The following FBXL13 variants were observed in gnomAD, a reference collection of about 807,000 sequenced individuals.
FBXL13 encodes the protein F-box and leucine rich repeat protein 13, also known as F-box and leucine-rich repeat protein 13.
Under a neutral mutation model 83.6 loss-of-function variants are expected in FBXL13, and 67 were observed. That is an observed-to-expected ratio of 0.80 (90% CI 0.66 to 0.98). The LOEUF is 0.98. Among genes scored for constraint, FBXL13 ranks in the 50% least tolerant of loss-of-function variants. FBXL13 has a pLI of 0.00. For missense variants in FBXL13, 822 were observed against 866.5 expected, an observed-to-expected ratio of 0.95 and a Z score of 0.64; for synonymous variants, 272 against 299.5, an observed-to-expected ratio of 0.91 and a Z score of 0.95.
chr7:102,884,156 T>C lies in FBXL13; in HGVS notation c.1107+58A>G, dbSNP rs574251841. On this transcript the variant is annotated intron_variant, in intron 12 of 19. Coordinates refer to ENST00000313221, the Ensembl canonical transcript of FBXL13. ...TCATATTTTTCAGTAATTCAAGCCA[T>C]TAGAACATATATCTATCTTATGGGA... 3.2e-5 allele frequency: 39 copies of C among 1,202,320 alleles called. 1 individual carries two copies. In the South Asian group the frequency reaches 4.2e-4, roughly 13 times the overall value. 74.5% of individuals were successfully genotyped at this position (1,202,320 alleles called of 1,614,324 possible).
At chr7:102,887,959 G>T (rs1016150786) in intron 11 of FBXL13, among the ~76,000 whole-genome samples, 1 of 152,232 alleles carries the variant, frequency 6.6e-6, no homozygotes, top group African/African-American at 2.4e-5. Context: ...ACAGAAAAAG[G>T]CATCTTTGGG....
intron 1 of FBXL13, among the ~76,000 whole-genome samples, chr7:103,063,304 T>A (rs1290046200): frequency 6.6e-6 from 1 of 152,232 alleles, no homozygotes; most frequent in African/African-American, 2.4e-5. Context: ...CATTATTCCC[T>A]AAATGAAACA....
intron 8 of FBXL13, among the ~76,000 whole-genome samples, chr7:102,941,268 A>C (rs924470377): frequency 7.2e-5 from 11 of 152,160 alleles, no homozygotes; most frequent in African/African-American, 2.7e-4. Context: ...TTAGTGTGCA[A>C]GTCAGTCACT....
chr7:102,983,335 G>A (rs983417185), intron 6 of FBXL13, among the ~76,000 whole-genome samples: 2 of 151,908 alleles, frequency 1.3e-5, no homozygotes, highest in African/African-American at 4.8e-5. Flanking sequence ...CCAGAAGTTA[G>A]AGGCTCAATG....
chr7:103,023,133 G>A (rs555572380), intron 6 of FBXL13, among the ~76,000 whole-genome samples: 6 of 152,204 alleles, frequency 3.9e-5, no homozygotes, highest in Non-Finnish European at 5.9e-5. Flanking sequence ...AAAATTAGCC[G>A]GGCGTGGTGG....
chr7:102,897,777 TCTG>T (rs1412138380), intron 11 of FBXL13, among the ~76,000 whole-genome samples: 1 of 152,054 alleles, frequency 6.6e-6, no homozygotes, highest in African/African-American at 2.4e-5. Context: ...CTTATTGAGA[TCTG>T]ACACTTTGAT....
chr7:102,961,440 C>T (rs1199359791), intron 8 of FBXL13, among the ~76,000 whole-genome samples: 3 of 149,104 alleles, frequency 2.0e-5, no homozygotes, highest in East Asian at 4.0e-4. Context: ...AATGCCATCC[C>T]CATCAAGCTA....
chr7:102,947,759 T>A (rs1055261031), intron 8 of FBXL13, among the ~76,000 whole-genome samples: 1 of 151,734 alleles, frequency 6.6e-6, no homozygotes, highest in Non-Finnish European at 1.5e-5. Context: ...TGAACGTATA[T>A]ATCACTTGGA....
chr7:102,822,441 C>A (rs1346999722), intron 18 of FBXL13: 1 of 637,648 alleles, frequency 1.6e-6, no homozygotes, highest in Non-Finnish European at 2.9e-6. Flanking sequence ...TTCTTGCTAT[C>A]TTCTCACATG....
intron 2 of FBXL13, among the ~76,000 whole-genome samples, chr7:103,044,445 T>A (rs554773574): frequency 6.6e-6 from 1 of 152,356 alleles, no homozygotes; most frequent in Admixed American, 6.5e-5. Flanking sequence ...GGAATTATTG[T>A]TATTTATTCA....
chr7:102,956,797 G>C (rs551806228), intron 8 of FBXL13, among the ~76,000 whole-genome samples: 1 of 152,068 alleles, frequency 6.6e-6, no homozygotes, highest in Non-Finnish European at 1.5e-5. Flanking sequence ...GCTGCAAAGA[G>C]AATAAAATAC....
rs759188662 is a variant in FBXL13 at position 102,880,490 on chromosome 7, G to GT, written c.1389-2041dup. 9.2e-5 allele frequency among the ~76,000 whole-genome samples: 14 copies of GT among 152,036 alleles called. No homozygotes were observed. In the East Asian group the frequency reaches 2.5e-3, roughly 27 times the overall value. On this transcript the variant is annotated intron_variant, in intron 14 of 19. Transcript: ENST00000313221. ...TACATCATTTGTTTCTAAAAGTTAG[G>GT]TTTTTTTCCCAGATAAATCTAATTG...
intron 17 of FBXL13, among the ~76,000 whole-genome samples, chr7:102,842,737 C>T (rs1803181137): frequency 6.6e-6 from 1 of 152,108 alleles, no homozygotes; most frequent in Admixed American, 6.6e-5. Context: ...TACTCCTGGG[C>T]CTTTCTGACC....
At position 103,069,300 on chromosome 7, in the gene FBXL13, G is replaced by A. The variant is rs943797500; in HGVS notation, c.-105+4946C>T. Among the ~76,000 whole-genome samples, 6 of 152,178 alleles carry A rather than the reference G, an allele frequency of 3.9e-5. No homozygotes were observed. The South Asian group carries it at 8.3e-4, about 21-fold the overall frequency. On this transcript the variant is annotated intron_variant, in intron 1 of 19. Coordinates refer to ENST00000313221, the Ensembl canonical transcript of FBXL13. ...CCGCCCCATCTGGAAAGTGAGGAGCGCCTTTGCCCGGCCGTTGTGCAACCC... is the reference window on the plus strand; with the variant it reads ...CCGCCCCATCTGGAAAGTGAGGAGCACCTTTGCCCGGCCGTTGTGCAACCC...
intron 8 of FBXL13, chr7:102,944,466 T>C (rs1191452023): frequency 6.2e-7 from 1 of 1,613,992 alleles, no homozygotes; most frequent in Non-Finnish European, 8.5e-7. Flanking sequence ...ATATTAGAAG[T>C]TACTATGAAG....
At chr7:102,890,921 A>C (rs1044696426) in intron 11 of FBXL13, among the ~76,000 whole-genome samples, 11 of 152,208 alleles carry the variant, frequency 7.2e-5, no homozygotes, top group African/African-American at 2.4e-4. Flanking sequence ...AATGACTAAT[A>C]GGTAGTGTGA....
At chr7:103,016,891 C>T (rs1792415251) in intron 6 of FBXL13, among the ~76,000 whole-genome samples, 1 of 152,210 alleles carries the variant, frequency 6.6e-6, no homozygotes, top group African/African-American at 2.4e-5. Flanking sequence ...TAGACTCCAC[C>T]TCTAGGGGCA....
intron 2 of FBXL13, among the ~76,000 whole-genome samples, chr7:103,043,186 A>G (rs1310182809): frequency 6.6e-6 from 1 of 152,238 alleles, no homozygotes; most frequent in African/African-American, 2.4e-5. Context: ...TTCTCAAAAG[A>G]AGACATTTAT....
intron 6 of FBXL13, among the ~76,000 whole-genome samples, chr7:103,018,525 T>G (rs1792673869): frequency 6.6e-6 from 1 of 152,176 alleles, no homozygotes; most frequent in Non-Finnish European, 1.5e-5. Context: ...AGACACAGAC[T>G]GGCAAATTGG....
Sources: allele counts gnomAD v4.1 joint callset (sites outside exome capture counted in the v4.1 genomes callset), GRCh38; gene constraint gnomAD v4.1.1; transcripts MANE v1.5; gene names NCBI Gene and HGNC (gene_info 2026-07-23, HGNC 2026-07-21).